The following PTPRS variants were observed in gnomAD, a reference collection of about 807,000 sequenced individuals.
PTPRS encodes protein tyrosine phosphatase receptor type S.
A neutral mutation model predicts 215.3 loss-of-function variants in PTPRS; 63 were observed. The ratio of observed to expected loss-of-function variants is 0.29; its 90% CI spans 0.24 to 0.36. The LOEUF (loss-of-function observed/expected upper bound fraction) is 0.36, where lower values mean the gene tolerates loss of function less well. Among genes scored for constraint, PTPRS ranks in the 10% least tolerant of loss-of-function variants. PTPRS has a pLI of 1.00. For synonymous variants in PTPRS, 1,404 were observed against 1,191.4 expected, an observed-to-expected ratio of 1.18 and a Z score of -3.68; for missense variants, 2,258 against 2,825.8, an observed-to-expected ratio of 0.80 and a Z score of 4.56.
At chr19:5,284,237 G>A (rs1044385865) in intron 2 of PTPRS, among the ~76,000 whole-genome samples, 2 of 151,990 alleles carry the variant, frequency 1.3e-5, no homozygotes, top group African/African-American at 4.8e-5. Flanking sequence ...GCTGGCACCT[G>A]TAATCCCAGC....
chr19:5,260,943 G>A lies in PTPRS; in HGVS notation c.578-121C>T, dbSNP rs1471377750. ...CCTCAGCACTCTGCCCCAGGGAGGGGATCGAGCCAGCCCTGGGCATACGGA... is the reference window on the plus strand; with the variant it reads ...CCTCAGCACTCTGCCCCAGGGAGGGAATCGAGCCAGCCCTGGGCATACGGA... On this transcript the variant is annotated intron_variant, in intron 6 of 37. Coordinates refer to ENST00000262963, the MANE Select transcript of PTPRS (RefSeq NM_002850.4). 3 of 1,200,354 alleles carry A rather than the reference G, an allele frequency of 2.5e-6. No individual in the cohort carries two copies. The East Asian group carries it at 7.5e-5, about 30-fold the overall frequency. The allele number at this position is 1,200,354 out of a possible 1,614,324, so 74.4% of individuals were successfully genotyped here.
At chr19:5,284,344 A>T (rs947264555) in intron 2 of PTPRS, among the ~76,000 whole-genome samples, 1 of 151,572 alleles carries the variant, frequency 6.6e-6, no homozygotes, top group African/African-American at 2.4e-5. Flanking sequence ...TGGGCGACAG[A>T]GTGAGACTCT....
intron 1 of PTPRS, 73 bp from the exon 2 acceptor site, chr19:5,286,307 A>AG (rs2048346229): frequency 4.2e-6 from 3 of 708,596 alleles, no homozygotes; most frequent in Non-Finnish European, 7.3e-6. Context: ...AGGCAGAGGG[A>AG]GGGTCACATG....
chr19:5,306,833 C>T (rs1283665056), intron 1 of PTPRS, among the ~76,000 whole-genome samples: 1 of 152,186 alleles, frequency 6.6e-6, no homozygotes, highest in Non-Finnish European at 1.5e-5. Flanking sequence ...CCCGAGGAGA[C>T]AATTGGCTAT....
intron 1 of PTPRS, among the ~76,000 whole-genome samples, chr19:5,335,628 CAACTT>C (rs1485881075): frequency 2.7e-4 from 41 of 152,156 alleles, no homozygotes; most frequent in Admixed American, 2.6e-3. Flanking sequence ...AGATCAAAAA[CAACTT>C]AAAAGGAGCA....
At chr19:5,281,657 G>A (rs932332285) in intron 2 of PTPRS, among the ~76,000 whole-genome samples, 6 of 152,146 alleles carry the variant, frequency 3.9e-5, no homozygotes, top group East Asian at 1.9e-4. Flanking sequence ...ATGGTGACCC[G>A]GGGCCATGCG....
At chr19:5,216,382 T>C (rs2145191380) in intron 26 of PTPRS, among the ~76,000 whole-genome samples, 1 of 152,268 alleles carries the variant, frequency 6.6e-6, no homozygotes, top group Admixed American at 6.5e-5. Flanking sequence ...CATTTAATGT[T>C]CTGAGACTTC....
intron 12 of PTPRS, 95 bp from the exon 13 acceptor site, chr19:5,239,158 GGAGGGGGAGAGA>G (rs1450937883): frequency 7.0e-6 from 5 of 714,594 alleles, no homozygotes; most frequent in Non-Finnish European, 8.9e-6. Flanking sequence ...AACAGAGGGG[GGAGGGGGAGAGA>G]GAGAGAGAGA....
At chr19:5,229,825 G>A (rs956997415) in intron 14 of PTPRS, 141 bp from the exon 15 acceptor site, 2 of 500,004 alleles carry the variant, frequency 4.0e-6, no homozygotes, top group East Asian at 3.9e-5. Context: ...GCTCACCACC[G>A]GGCGGGAGGA....
intron 4 of PTPRS, among the ~76,000 whole-genome samples, chr19:5,265,843 C>T (rs940682242): frequency 1.3e-5 from 2 of 151,850 alleles, no homozygotes; most frequent in Non-Finnish European, 2.9e-5. Flanking sequence ...AGATGCTCTA[C>T]ACCCTACTAC....
intron 18 of PTPRS, among the ~76,000 whole-genome samples, 193 bp downstream of exon 18, chr19:5,222,483 AGGGGGCAGTGGTG>A (rs1045693402): frequency 1.0e-3 from 8 of 7,662 alleles, no homozygotes; most frequent in South Asian, 4.2e-3. Context: ...GAGCAAGGGG[AGGGGGCAGTGGTG>A]GGGGGCGGTG....
intron 2 of PTPRS, among the ~76,000 whole-genome samples, chr19:5,279,436 A>G (rs938270235): frequency 4.0e-5 from 6 of 151,462 alleles, no homozygotes; most frequent in Non-Finnish European, 5.9e-5. Flanking sequence ...CGGTGGTGCA[A>G]TCATAGCTCA....
At chr19:5,217,711 G>A (rs1319172539) in intron 25 of PTPRS, among the ~76,000 whole-genome samples, 2 of 152,226 alleles carry the variant, frequency 1.3e-5, no homozygotes, top group African/African-American at 4.8e-5. Flanking sequence ...ACAGTTGGAA[G>A]GACAGATGTA....
intron 13 of PTPRS, among the ~76,000 whole-genome samples, chr19:5,238,026 G>A (rs1318476697): frequency 1.3e-5 from 2 of 152,174 alleles, no homozygotes; most frequent in Non-Finnish European, 2.9e-5. Flanking sequence ...AGAAAGCCTG[G>A]GGTGGCTACG....
At chr19:5,223,407 G>GC in intron 17 of PTPRS, 110 bp from the exon 18 acceptor site, 1 of 1,222,446 alleles carries the variant, frequency 8.2e-7, no homozygotes, top group Non-Finnish European at 1.1e-6. Context: ...ATTTTTTTGA[G>GC]TTGGGGGGGG....
At chr19:5,322,093 C>T (rs913370248) in intron 1 of PTPRS, among the ~76,000 whole-genome samples, 1 of 152,228 alleles carries the variant, frequency 6.6e-6, no homozygotes, top group African/African-American at 2.4e-5. Context: ...CAAGAGGCAG[C>T]ACTGAGCCTC....
At chr19:5,278,375 C>T (rs1385626809) in intron 2 of PTPRS, among the ~76,000 whole-genome samples, 2 of 152,082 alleles carry the variant, frequency 1.3e-5, no homozygotes, top group African/African-American at 4.8e-5. Context: ...CATGCCATCA[C>T]GCCCAGCTAA....
At chr19:5,209,077 A>T (rs1297630959) in intron 35 of PTPRS, among the ~76,000 whole-genome samples, 1 of 151,974 alleles carries the variant, frequency 6.6e-6, no homozygotes, top group South Asian at 2.1e-4. Flanking sequence ...ACTGCTGGTA[A>T]CTCACTACCT....
chr19:5,209,080 C>T (rs1340975244), intron 35 of PTPRS, among the ~76,000 whole-genome samples: 7 of 152,090 alleles, frequency 4.6e-5, no homozygotes, highest in African/African-American at 1.7e-4. Context: ...GCTGGTAACT[C>T]ACTACCTTCT....
Sources: allele counts gnomAD v4.1 joint callset (sites outside exome capture counted in the v4.1 genomes callset), GRCh38; gene constraint gnomAD v4.1.1; transcripts MANE v1.5; gene names NCBI Gene and HGNC (gene_info 2026-07-23, HGNC 2026-07-21).